Variants in PTBP3 observed in about 807,000 individuals in gnomAD.
The protein encoded by PTBP3 is polypyrimidine tract binding protein 3, also known as polypyrimidine tract-binding protein 3.
PTBP3 carries 20 observed loss-of-function variants against 58.7 expected under a neutral mutation model. The observed-to-expected ratio is 0.34, with a 90% confidence interval of 0.24 to 0.50. The LOEUF (loss-of-function observed/expected upper bound fraction) is 0.50. Among genes scored for constraint, PTBP3 ranks in the 20% least tolerant of loss-of-function variants. The pLI is 0.98. For synonymous variants in PTBP3, 185 were observed against 219.8 expected (o/e 0.84, Z 1.40); for missense variants, 509 against 637.2 (o/e 0.80, Z 2.17).
At chr9:112,267,731 TAG>T (rs35869438) in intron 4 of PTBP3, among the ~76,000 whole-genome samples, 40,531 of 152,120 alleles carry the variant, frequency 0.27, 6,698 homozygotes, top group South Asian at 0.41. Context: ...ATGCTTTTGT[TAG>T]AGTCTGTAAA....
chr9:112,277,057 C>T (rs1827639861), intron 2 of PTBP3, among the ~76,000 whole-genome samples: 1 of 152,116 alleles, frequency 6.6e-6, no homozygotes, highest in Admixed American at 6.5e-5. Context: ...TAACCCTAAA[C>T]AAATTTCATG....
rs201451925 is a variant in PTBP3, at chr9:112,232,116, T to A, written c.1003A>T (p.Thr335Ser). 900 of 1,611,896 alleles carry A rather than the reference T, an allele frequency of 5.6e-4. 2 individuals carry two copies. Among genetic ancestry groups the A allele is most frequent in the Non-Finnish European group, 7.1e-4 (842 of 1,179,438 alleles). ...GIPGNSVLLV[T>S]NLNPDLITPH... is the part of the protein sequence containing the mutation. The stretch of plus-strand genomic sequence containing the variant: ...CAACTCACATCAGGATTGAGATTTG[T>A]GACGAGTAGAACAGAATTTCCTGGT... Residue 335 changes from threonine (T) to serine (S), a missense_variant, in exon 9 of 14, where the codon ACA becomes TCA. Thr to Ser is a moderately conservative substitution (Grantham distance 58). This residue lies in a region of PTBP3 where 121 missense variants were observed against 114.8 expected (regional missense o/e 1.05). Transcript: ENST00000374257.
At chr9:112,332,432 T>C (rs1187003090) in intron 1 of PTBP3, among the ~76,000 whole-genome samples, 1 of 152,244 alleles carries the variant, frequency 6.6e-6, no homozygotes, top group Non-Finnish European at 1.5e-5. Context: ...GAACGACTTT[T>C]ACTGTTCTAG....
chr9:112,282,909 G>C (rs999451239), intron 2 of PTBP3, among the ~76,000 whole-genome samples: 2 of 152,056 alleles, frequency 1.3e-5, no homozygotes, highest in African/African-American at 4.8e-5. Flanking sequence ...TGGATCATGG[G>C]GGTGGTTTCC....
chr9:112,363,598 T>A, the PTBP3 span, among the ~76,000 whole-genome samples: 1 of 151,834 alleles, frequency 6.6e-6, no homozygotes, highest in East Asian at 1.9e-4. Flanking sequence ...GTATGCTTGC[T>A]GAAAATCAAT....
At chr9:112,317,561 G>C (rs929460547) in intron 1 of PTBP3, among the ~76,000 whole-genome samples, 1 of 152,112 alleles carries the variant, frequency 6.6e-6, no homozygotes, top group African/African-American at 2.4e-5. Flanking sequence ...CTGAAAGCTA[G>C]ACCAATCAGG....
chr9:112,261,655 T>C (rs1836600579), intron 5 of PTBP3, among the ~76,000 whole-genome samples: 1 of 152,218 alleles, frequency 6.6e-6, no homozygotes, highest in Non-Finnish European at 1.5e-5. Context: ...GACTAAATTT[T>C]GGGGCTATAT....
At chr9:112,316,929 GC>G (rs1406066776) in intron 1 of PTBP3, among the ~76,000 whole-genome samples, 25 of 150,452 alleles carry the variant, frequency 1.7e-4, no homozygotes, top group Admixed American at 1.6e-3. Context: ...CTGAGATCAT[GC>G]CGCTGCACTC....
At chr9:112,305,341 G>A (rs1273362132) in intron 1 of PTBP3, among the ~76,000 whole-genome samples, 1 of 150,714 alleles carries the variant, frequency 6.6e-6, no homozygotes, top group Non-Finnish European at 1.5e-5. Context: ...CAGAAAGATC[G>A]ACAATGTGAT....
chr9:112,256,343 T>C (rs1191664049), intron 5 of PTBP3, among the ~76,000 whole-genome samples: 2 of 149,378 alleles, frequency 1.3e-5, no homozygotes, highest in Non-Finnish European at 3.0e-5. Context: ...TCTACTGTAC[T>C]ATATATTTAT....
upstream of PTBP3, among the ~76,000 whole-genome samples, chr9:112,335,372 G>A (rs902622751): frequency 7.3e-5 from 11 of 151,672 alleles, no homozygotes; most frequent in African/African-American, 2.4e-4. Context: ...TGCAACCTCT[G>A]CCTCCCGAGT....
At chr9:112,291,855 T>C (rs765817616) in intron 2 of PTBP3, among the ~76,000 whole-genome samples, 5 of 151,810 alleles carry the variant, frequency 3.3e-5, no homozygotes, top group African/African-American at 7.3e-5. Flanking sequence ...CAAAAGAAAA[T>C]ATGAACAAAT....
intron 5 of PTBP3, among the ~76,000 whole-genome samples, chr9:112,256,542 C>A (rs1377334579): frequency 1.3e-5 from 2 of 150,452 alleles, no homozygotes; most frequent in South Asian, 2.1e-4. Context: ...ATTTTTTTTT[C>A]CTTTTTAAGA....
In PTBP3 at chr9:112,231,362, T is replaced by G. The variant is rs746611155; in HGVS notation, c.1054+18A>C. ...TTCACACCTGTAGACAATAATAAAA[T>G]AGCAAAAATGAACTTACCAAATAGG... On this transcript the variant is annotated intron_variant, in intron 10 of 13. Coordinates refer to ENST00000374257, the MANE Select transcript of PTBP3 (RefSeq NM_001163788.4). 39 of 1,566,678 alleles carry G rather than the reference T, an allele frequency of 2.5e-5. No homozygotes were observed. The highest frequency in any genetic ancestry group is 3.1e-5 in the Non-Finnish European group (36 of 1,146,464).
In PTBP3 at chr9:112,227,533, T is replaced by C. The variant is rs371028158; in HGVS notation, c.1242A>G (p.Gln414=). 20 of 1,613,902 alleles carry C rather than the reference T, an allele frequency of 1.2e-5. No homozygotes were observed. The highest frequency in any genetic ancestry group is 2.2e-5 in the East Asian group (1 of 44,870). The part of the protein sequence containing the change: ...HQAVQLPREG[Q]EDQGLTKDFS... ...AATCCTTAGTCAGACCTTGGTCTTCTTGTCCCTCTCGAGGAAGCTGTACTG... is the reference window on the plus strand; with the variant it reads ...AATCCTTAGTCAGACCTTGGTCTTCCTGTCCCTCTCGAGGAAGCTGTACTG... Residue 414 remains glutamine, a synonymous_variant, in exon 12 of 14, where the codon CAA becomes CAG. Transcript: ENST00000374257.
At chr9:112,280,758 T>G (rs1190022550) in intron 2 of PTBP3, among the ~76,000 whole-genome samples, 2 of 43,870 alleles carry the variant, frequency 4.6e-5, no homozygotes, top group African/African-American at 1.6e-4. Flanking sequence ...CGTGTGTGTC[T>G]GTGTGTGTAT....
In PTBP3 at chr9:112,223,016, G is replaced by C; in HGVS notation, c.*835C>G. On this transcript the variant is annotated 3_prime_UTR_variant, in exon 14 of 14. Coordinates refer to ENST00000374257, the MANE Select transcript of PTBP3 (RefSeq NM_001163788.4). ...ATTATAAAAAAGTAGTTTATAAGTA[G>C]GATTATTTTTCTTTAAAATTTTCCA... 1.2e-6 allele frequency: 1 copy of C among 847,488 alleles called. No individual in the cohort carries two copies. The highest frequency in any genetic ancestry group is 1.4e-6 in the Non-Finnish European group (1 of 704,302). The allele number at this position is 847,488 out of a possible 1,614,324, so 52.5% of individuals were successfully genotyped here.
At chr9:112,282,709 T>C (rs915523029) in intron 2 of PTBP3, among the ~76,000 whole-genome samples, 2 of 152,222 alleles carry the variant, frequency 1.3e-5, no homozygotes, top group African/African-American at 4.8e-5. Context: ...TGATTTCTAA[T>C]AGAATTCTAA....
chr9:112,363,209 G>C, the PTBP3 span: 1 of 152,952 alleles, frequency 6.5e-6, no homozygotes, highest in Non-Finnish European at 1.5e-5. Context: ...TCAGGGGGTG[G>C]GTCCAAACTC....
Sources: gnomAD v4.1 joint callset for allele counts (sites outside exome capture counted in the v4.1 genomes callset) on GRCh38, gnomAD v4.1.1 for gene constraint, gnomAD v4.1.1 regional missense constraint, MANE v1.5 for transcripts, NCBI Gene and HGNC (gene_info 2026-07-23, HGNC 2026-07-21) for gene names.